ZNF90: variants seen among roughly 807,000 people sequenced by gnomAD.
ZNF90 encodes the protein zinc finger protein HTF9.
Under a neutral mutation model 12.0 loss-of-function variants are expected in ZNF90, and 11 were observed. The ratio of observed to expected loss-of-function variants is 0.92; its 90% CI spans 0.58 to 1.52. ZNF90 has a LOEUF of 1.52. ZNF90 is among the 40% of genes most tolerant of loss of function. ZNF90 has a pLI of 0.00. For missense variants in ZNF90, 765 were observed against 711.5 expected (o/e 1.08, Z -0.86); for synonymous variants, 232 against 240.1 (o/e 0.97, Z 0.31).
At chr19:20,079,836 T>A in intron 1 of ZNF90, 1 of 362,126 alleles carries the variant, frequency 2.8e-6, no homozygotes, top group South Asian at 2.4e-5. Context: ...GGCCACCCTG[T>A]CCCGGCCCTG....
chr19:20,085,300 C>T (rs544913048), intron 1 of ZNF90, among the ~76,000 whole-genome samples: 2 of 87,016 alleles, frequency 2.3e-5, no homozygotes, highest in African/African-American at 1.4e-4. Flanking sequence ...CGCTCTTTGG[C>T]CGAGACTGGA....
chr19:20,106,034 CTA>C (rs1399115319), intron 3 of ZNF90, among the ~76,000 whole-genome samples: 2 of 83,412 alleles, frequency 2.4e-5, no homozygotes, highest in African/African-American at 9.9e-5. Context: ...TGGAACTTCT[CTA>C]ATTTTTTCTT....
At chr19:20,117,079 G>A (rs2089144591) in intron 3 of ZNF90, among the ~76,000 whole-genome samples, 1 of 149,086 alleles carries the variant, frequency 6.7e-6, no homozygotes, top group African/African-American at 2.5e-5. Context: ...ATGTCATTCT[G>A]TTCCCTATGC....
Position 20,078,030 on chromosome 19 carries a change from A to G in ZNF90, c.-103A>G. 6.7e-7 allele frequency: 1 copy of G among 1,498,444 alleles called. No homozygotes were observed. The highest frequency in any genetic ancestry group is 9.3e-7 in the Non-Finnish European group (1 of 1,075,388). 92.8% of individuals were successfully genotyped at this position (1,498,444 alleles called of 1,614,324 possible). On this transcript the variant is annotated 5_prime_UTR_variant, in exon 1 of 4. Transcript: ENST00000418063. ...GTCTCTTGCTGCAGCTGGTGCTCCAAATCTGGTCTTAGCTGCTTCGTGTCT... is the reference window on the plus strand; with the variant it reads ...GTCTCTTGCTGCAGCTGGTGCTCCAGATCTGGTCTTAGCTGCTTCGTGTCT...
chr19:20,079,134 AAAAGT>A (rs1326455325), intron 1 of ZNF90, among the ~76,000 whole-genome samples: 18 of 151,910 alleles, frequency 1.2e-4, no homozygotes, highest in African/African-American at 4.3e-4. Flanking sequence ...AAAAAAAAAA[AAAAGT>A]AAGCATCTTA....
At chr19:20,087,061 C>T (rs1244468282) in intron 1 of ZNF90, 2 of 152,138 alleles carry the variant, frequency 1.3e-5, no homozygotes, top group Non-Finnish European at 2.9e-5. Context: ...TATAGAACCT[C>T]CATTCAATGG....
rs782367930 is a variant in ZNF90 at position 20,104,258 on chromosome 19, A to G, written c.23A>G (p.Asp8Gly). Reference protein sequence around the residue: MGPLEFRDVAIEFSLEEW... With the variant: MGPLEFRGVAIEFSLEEW... ...TTTCAGGGACCATTGGAATTTAGAG[A>G]TGTGGCCATAGAATTCTCTCTGGAG... Residue 8 changes from aspartate to glycine, a missense_variant, in exon 2 of 4, where the codon GAT (aspartate) becomes GGT (glycine). Asp to Gly is a moderately conservative substitution (Grantham distance 94). Coordinates refer to ENST00000418063, the MANE Select transcript of ZNF90 (RefSeq NM_007138.2). The G allele has an allele frequency of 2.2e-5, 35 of 1,613,902 alleles. No homozygotes were observed. The highest frequency in any genetic ancestry group is 2.6e-5 in the Non-Finnish European group (31 of 1,179,950).
chr19:20,084,498 A>G (rs577221314), intron 1 of ZNF90, among the ~76,000 whole-genome samples: 2 of 152,308 alleles, frequency 1.3e-5, no homozygotes, highest in Non-Finnish European at 2.9e-5. Context: ...TTCTTTGGCT[A>G]TATACCCAGT....
At chr19:20,084,205 C>T (rs1555701827) in intron 1 of ZNF90, among the ~76,000 whole-genome samples, 1 of 151,952 alleles carries the variant, frequency 6.6e-6, no homozygotes, top group Non-Finnish European at 1.5e-5. Context: ...AGGTGCTGGC[C>T]ACCACGCATG....
At chr19:20,117,611 A>G in intron 3 of ZNF90, 170 bp from the exon 4 acceptor site, 2 of 985,144 alleles carry the variant, frequency 2.0e-6, no homozygotes, top group Non-Finnish European at 2.4e-6. Context: ...TTGTTTGTAA[A>G]TGTAACCTGT....
chr19:20,115,014 A>G (rs1369674858), intron 3 of ZNF90, among the ~76,000 whole-genome samples: 1 of 152,190 alleles, frequency 6.6e-6, no homozygotes, highest in Non-Finnish European at 1.5e-5. Context: ...ATAGGTCCCC[A>G]GCGAATGAAT....
At chr19:20,098,805 A>G (rs116477268) in intron 1 of ZNF90, among the ~76,000 whole-genome samples, 2,304 of 152,298 alleles carry the variant, frequency 0.015, 66 homozygotes, top group African/African-American at 0.053. Context: ...TCAGTGTAAG[A>G]GAAACGAGTC....
Position 20,117,877 on chromosome 19 carries a change from A to G in ZNF90, c.323A>G (p.Tyr108Cys), listed in dbSNP as rs782339156. 43 of 1,611,142 alleles carry G rather than the reference A, an allele frequency of 2.7e-5. 1 individual carries two copies. The South Asian group carries it at 3.6e-4, about 14-fold the overall frequency. ...VIVTRYEKRE[Y>C]GNLELKKGCE... ...GTGACAAGATATGAAAAACGTGAAT[A>G]TGGCAATTTAGAGTTAAAAAAAGGT... Residue 108 changes from tyrosine to cysteine, a missense_variant, in exon 4 of 4, where the codon TAT becomes TGT. Tyr to Cys is a radical substitution (Grantham distance 194, BLOSUM62 -2). Transcript: ENST00000418063.
chr19:20,092,569 GT>G (rs2088911062), intron 1 of ZNF90, among the ~76,000 whole-genome samples: 1 of 152,152 alleles, frequency 6.6e-6, no homozygotes, highest in Non-Finnish European at 1.5e-5. Context: ...GGTCAGCTAG[GT>G]TTCCTTTTGT....
chr19:20,118,630 A>C lies in ZNF90; in HGVS notation c.1076A>C (p.His359Pro). 1 of 1,612,308 alleles carries C rather than the reference A, an allele frequency of 6.2e-7. No homozygotes were observed. The highest frequency in any genetic ancestry group is 8.5e-7 in the Non-Finnish European group (1 of 1,179,396). ...AGGCGCTCCTTAGTCCTTCGTACAC[A>C]TAAGAGAATTCATACTGGAGAGAAA... ...AFRRSLVLRT[H>P]KRIHTGEKPY... The change falls in exon 4 of 4, where the codon CAT (histidine) becomes CCT (proline). Residue 359 changes from histidine (H) to proline (P), a missense_variant. Coordinates refer to ENST00000418063, the MANE Select transcript of ZNF90 (RefSeq NM_007138.2).
chr19:20,107,165 T>C, intron 3 of ZNF90: 1 of 370,440 alleles, frequency 2.7e-6, no homozygotes, highest in Non-Finnish European at 5.3e-6. Flanking sequence ...ATTGAACCGC[T>C]TCAGGGACCC....
chr19:20,112,605 A>T (rs1244870988), intron 3 of ZNF90, among the ~76,000 whole-genome samples: 2 of 152,174 alleles, frequency 1.3e-5, no homozygotes, highest in African/African-American at 4.8e-5. Flanking sequence ...TACAGGCATG[A>T]GCCAGCATGC....
At chr19:20,114,879 G>A (rs558387298) in intron 3 of ZNF90, among the ~76,000 whole-genome samples, 72 of 152,100 alleles carry the variant, frequency 4.7e-4, no homozygotes, top group Middle Eastern at 6.8e-3. Context: ...TACTGAAATA[G>A]CCTATTATAA....
At chr19:20,079,468 CA>C (rs1368503946) in intron 1 of ZNF90, among the ~76,000 whole-genome samples, 4 of 151,516 alleles carry the variant, frequency 2.6e-5, no homozygotes, top group Admixed American at 6.6e-5. Context: ...AAATGAATTC[CA>C]AAAACATATT....
Sources: gnomAD v4.1 joint callset for allele counts (sites outside exome capture counted in the v4.1 genomes callset) on GRCh38, gnomAD v4.1.1 for gene constraint, MANE v1.5 for transcripts, NCBI Gene and HGNC (gene_info 2026-07-23, HGNC 2026-07-21) for gene names.